PACRG: variants seen among roughly 807,000 people sequenced by gnomAD.
The protein encoded by PACRG is parkin coregulated, also known as parkin coregulated gene protein.
PACRG carries 29 observed loss-of-function variants against 29.7 expected under a neutral mutation model. That is an observed-to-expected ratio of 0.98 (90% CI 0.73 to 1.33). The LOEUF is 1.33. Among genes scored for constraint, PACRG ranks in the 40% most tolerant of loss-of-function variants. The pLI is 0.00. For missense variants in PACRG, 279 were observed against 316.2 expected (o/e 0.88, Z 0.89); for synonymous variants, 116 against 118.7 (o/e 0.98, Z 0.15).
intron 4 of PACRG, among the ~76,000 whole-genome samples, chr6:163,247,128 C>G (rs1484577452): frequency 6.6e-6 from 1 of 152,116 alleles, no homozygotes; most frequent in Non-Finnish European, 1.5e-5. Context: ...CTTACTTGAA[C>G]CAAGAAATGA....
chr6:163,169,315 T>C (rs1366516656), intron 4 of PACRG, among the ~76,000 whole-genome samples: 1 of 152,194 alleles, frequency 6.6e-6, no homozygotes, highest in East Asian at 1.9e-4. Context: ...AGAGCACCTT[T>C]CCTCAGCCTG....
chr6:163,266,187 T>A (rs1783522706), intron 4 of PACRG, among the ~76,000 whole-genome samples: 1 of 152,256 alleles, frequency 6.6e-6, no homozygotes, highest in East Asian at 1.9e-4. Flanking sequence ...TTACAAACTT[T>A]GTGAATGGGA....
chr6:163,063,617 C>T (rs116292041), intron 3 of PACRG, among the ~76,000 whole-genome samples: 2,689 of 152,278 alleles, frequency 0.018, 82 homozygotes, highest in African/African-American at 0.062. Flanking sequence ...CACAGTTCTG[C>T]TCTTACTGCT....
At chr6:162,894,870 G>T (rs1046197693) in intron 2 of PACRG, among the ~76,000 whole-genome samples, 25 of 152,102 alleles carry the variant, frequency 1.6e-4, no homozygotes, top group Non-Finnish European at 3.2e-4. Context: ...CATGATTCTT[G>T]TTGGCATATA....
intron 2 of PACRG, among the ~76,000 whole-genome samples, chr6:162,847,310 C>A (rs1240832409): frequency 6.6e-6 from 1 of 152,188 alleles, no homozygotes; most frequent in Non-Finnish European, 1.5e-5. Context: ...CTTGAGAGAA[C>A]TTTATTCAAG....
chr6:163,216,022 C>T (rs965162616), intron 4 of PACRG, among the ~76,000 whole-genome samples: 3 of 152,116 alleles, frequency 2.0e-5, no homozygotes, highest in Non-Finnish European at 4.4e-5. Context: ...ATCAGAAGCC[C>T]GGCTGGGAAG....
At chr6:163,278,058 G>T (rs999275158) in intron 4 of PACRG, among the ~76,000 whole-genome samples, 6 of 152,094 alleles carry the variant, frequency 3.9e-5, no homozygotes, top group African/African-American at 1.4e-4. Context: ...ATTGCATTGT[G>T]GTTTTGATTT....
intron 2 of PACRG, among the ~76,000 whole-genome samples, chr6:162,988,767 A>G (rs1423994895): frequency 2.0e-5 from 3 of 152,156 alleles, no homozygotes; most frequent in Non-Finnish European, 4.4e-5. Context: ...CTTAATGGAA[A>G]ATTAAGAAAA....
chr6:163,020,226 T>C (rs534532443), intron 2 of PACRG, among the ~76,000 whole-genome samples: 1 of 152,356 alleles, frequency 6.6e-6, no homozygotes, highest in African/African-American at 2.4e-5. Context: ...ACAGTTTTGA[T>C]AATTAGCACA....
chr6:163,187,215 C>T (rs1286311857), intron 4 of PACRG, among the ~76,000 whole-genome samples: 1 of 152,186 alleles, frequency 6.6e-6, no homozygotes, highest in African/African-American at 2.4e-5. Context: ...ATTGACTTCT[C>T]ACATCCGCTC....
chr6:162,947,270 A>G (rs1485606946), intron 2 of PACRG, among the ~76,000 whole-genome samples: 2 of 132,208 alleles, frequency 1.5e-5, no homozygotes, highest in South Asian at 2.4e-4. Context: ...TAATCTATAT[A>G]TAACCATATA....
chr6:162,782,181 G>A (rs768762235), intron 1 of PACRG, among the ~76,000 whole-genome samples: 6 of 151,752 alleles, frequency 4.0e-5, no homozygotes, highest in Non-Finnish European at 7.4e-5. Flanking sequence ...TCATTACATC[G>A]GAATAAAGGA....
chr6:162,805,363 AAAATAC>A (rs1562615003), intron 1 of PACRG, among the ~76,000 whole-genome samples: 1 of 152,312 alleles, frequency 6.6e-6, no homozygotes, highest in East Asian at 1.9e-4. Flanking sequence ...ACCATAATTA[AAAATAC>A]TGCTAAAATA....
At chr6:163,131,764 A>T (rs1816752095) in intron 4 of PACRG, among the ~76,000 whole-genome samples, 2 of 152,122 alleles carry the variant, frequency 1.3e-5, no homozygotes, top group Admixed American at 1.3e-4. Flanking sequence ...TGAGCGTGCT[A>T]TTAGATGTGT....
chr6:163,104,627 T>C (rs565451920), intron 4 of PACRG, among the ~76,000 whole-genome samples: 1 of 152,220 alleles, frequency 6.6e-6, no homozygotes, highest in Non-Finnish European at 1.5e-5. Context: ...GATTCATTTG[T>C]ACAAATTTTA....
intron 2 of PACRG, among the ~76,000 whole-genome samples, chr6:163,006,144 TATATA>T (rs936380027): frequency 1.4e-5 from 2 of 140,648 alleles, no homozygotes; most frequent in Non-Finnish European, 3.0e-5. Flanking sequence ...TATATTATTA[TATATA>T]ATATATTATA....
At chr6:162,866,560 C>A (rs1201853368) in intron 2 of PACRG, among the ~76,000 whole-genome samples, 1 of 152,046 alleles carries the variant, frequency 6.6e-6, no homozygotes, top group Non-Finnish European at 1.5e-5. Context: ...TTCGCCACTT[C>A]AGATATTTCA....
At chr6:163,208,480 C>T (rs1452217453) in intron 4 of PACRG, among the ~76,000 whole-genome samples, 2 of 151,794 alleles carry the variant, frequency 1.3e-5, no homozygotes, top group Non-Finnish European at 2.9e-5. Flanking sequence ...ATTAATAAAT[C>T]AATTCTGTGA....
intron 4 of PACRG, among the ~76,000 whole-genome samples, chr6:163,232,774 G>T (rs879526985): frequency 2.6e-5 from 4 of 152,190 alleles, no homozygotes; most frequent in Non-Finnish European, 4.4e-5. Flanking sequence ...AACAGTCCAG[G>T]CATGGCCTGA....
Sources: gnomAD v4.1 joint callset for allele counts (sites outside exome capture counted in the v4.1 genomes callset) on GRCh38, gnomAD v4.1.1 for gene constraint, MANE v1.5 for transcripts, NCBI Gene and HGNC (gene_info 2026-07-23, HGNC 2026-07-21) for gene names.